GABRG3: variants seen among roughly 807,000 people sequenced by gnomAD.
The protein encoded by GABRG3 is gamma-aminobutyric acid type A receptor subunit gamma3, also known as gamma-aminobutyric acid receptor subunit gamma-3.
In GABRG3, 25 loss-of-function variants were observed where a neutral mutation model predicts 48.8. The observed-to-expected ratio is 0.51, with a 90% CI of 0.37 to 0.72. The LOEUF (loss-of-function observed/expected upper bound fraction) is 0.72. Among genes scored for constraint, GABRG3 ranks in the 30% least tolerant of loss-of-function variants. GABRG3 has a pLI of 0.00. For synonymous variants in GABRG3, 227 were observed against 217.6 expected (o/e 1.04, Z -0.38); for missense variants, 394 against 577.9 (o/e 0.68, Z 3.26).
At chr15:27,014,885 C>T (rs760923377) in intron 2 of GABRG3, among the ~76,000 whole-genome samples, 8 of 152,146 alleles carry the variant, frequency 5.3e-5, no homozygotes, top group African/African-American at 9.7e-5. Flanking sequence ...CTACTATTAT[C>T]GTGTTGCTGT....
At chr15:27,456,436 G>A (rs766779011) in intron 5 of GABRG3, among the ~76,000 whole-genome samples, 4 of 152,144 alleles carry the variant, frequency 2.6e-5, no homozygotes, top group Non-Finnish European at 4.4e-5. Flanking sequence ...CCTTAGTGGC[G>A]CTGTGCTTTA....
chr15:27,045,184 A>G (rs1365124768), intron 3 of GABRG3, among the ~76,000 whole-genome samples: 2 of 152,240 alleles, frequency 1.3e-5, no homozygotes, highest in African/African-American at 4.8e-5. Context: ...CATGGCCTAG[A>G]TCAGACCTAT....
At chr15:27,396,469 A>G (rs1315329238) in intron 5 of GABRG3, among the ~76,000 whole-genome samples, 2 of 152,264 alleles carry the variant, frequency 1.3e-5, no homozygotes, top group Admixed American at 1.3e-4. Flanking sequence ...CGCACCTATT[A>G]GAATGTCTTT....
chr15:27,472,244 G>A (rs1266264284), intron 5 of GABRG3, among the ~76,000 whole-genome samples: 1 of 151,764 alleles, frequency 6.6e-6, no homozygotes, highest in Non-Finnish European at 1.5e-5. Flanking sequence ...ATTCCTTTCT[G>A]TCTTCTGGAT....
rs181962362 is a variant in GABRG3 at position 27,106,745 on chromosome 15, T to C, written c.270+79924T>C. On this transcript the variant is annotated intron_variant, in intron 3 of 9. Coordinates refer to ENST00000615808, the MANE Select transcript of GABRG3 (RefSeq NM_033223.5). ...ATTGGAATGAAATGAGGGATATCAC[T>C]ATAGGTCTGCAGCTATTGAAAAGAT... Among the ~76,000 whole-genome samples the C allele has an allele frequency of 2.0e-5, 3 of 152,184 alleles. No individual in the cohort carries two copies. The East Asian group carries it at 5.8e-4, about 29-fold the overall frequency.
At chr15:27,141,324 T>C (rs1898098811) in intron 3 of GABRG3, among the ~76,000 whole-genome samples, 1 of 152,170 alleles carries the variant, frequency 6.6e-6, no homozygotes, top group Non-Finnish European at 1.5e-5. Flanking sequence ...TAGGTTAAGC[T>C]CCAAGGTGCA....
intron 3 of GABRG3, chr15:27,027,065 A>C: frequency 2.6e-6 from 1 of 392,114 alleles, no homozygotes; most frequent in Non-Finnish European, 4.5e-6. Context: ...TGTCTTTTAT[A>C]GTGTTTCTTA....
At chr15:27,358,753 C>G (rs574772972) in intron 5 of GABRG3, among the ~76,000 whole-genome samples, 10 of 152,318 alleles carry the variant, frequency 6.6e-5, no homozygotes, top group Admixed American at 2.6e-4. Context: ...ACAGATCAAG[C>G]TCTTTCTATG....
intron 3 of GABRG3, among the ~76,000 whole-genome samples, chr15:27,136,126 T>G (rs1898004409): frequency 6.6e-6 from 1 of 152,132 alleles, no homozygotes; most frequent in East Asian, 1.9e-4. Flanking sequence ...CTCCATCCTT[T>G]GAGCTCCAGC....
At chr15:27,494,951 C>T (rs1890446619) in intron 6 of GABRG3, among the ~76,000 whole-genome samples, 1 of 152,120 alleles carries the variant, frequency 6.6e-6, no homozygotes, top group African/African-American at 2.4e-5. Flanking sequence ...TTTCCTCTTT[C>T]CTGAAGTGTA....
intron 3 of GABRG3, among the ~76,000 whole-genome samples, chr15:27,252,119 T>C (rs1890475820): frequency 6.6e-6 from 1 of 152,130 alleles, no homozygotes; most frequent in Non-Finnish European, 1.5e-5. Context: ...CTCAGCTTTT[T>C]GTGAAATCGG....
In GABRG3 at chr15:27,320,970, G is replaced by T. The variant is rs867177407; in HGVS notation, c.271-5839G>T. ...CCACGTGCCCCTCTGTGGCAACAGG[G>T]CGTCACCCCCTGCTATGCTTCCCCG... On this transcript the variant is annotated intron_variant, in intron 3 of 9. Coordinates refer to ENST00000615808, the MANE Select transcript of GABRG3 (RefSeq NM_033223.5). 6.6e-5 allele frequency among the ~76,000 whole-genome samples: 10 copies of T among 152,294 alleles called. 1 individual carries two copies. In the South Asian group the frequency reaches 2.1e-3, roughly 32 times the overall value.
In GABRG3 at chr15:27,481,550, T is replaced by G. The variant is rs142771588; in HGVS notation, c.712+763T>G. Among the ~76,000 whole-genome samples the G allele has an allele frequency of 4.2e-3, 644 of 152,236 alleles. 5 individuals carry two copies. Among genetic ancestry groups the G allele is most frequent in the Non-Finnish European group, 5.5e-3 (375 of 68,012 alleles). Reference sequence around the variant, plus strand: ...TCTTCAAATTATCTAATAATTTATTTTATGGGTGACTAGATTAAGATGCCA... The same window carrying G: ...TCTTCAAATTATCTAATAATTTATTGTATGGGTGACTAGATTAAGATGCCA... On this transcript the variant is annotated intron_variant, in intron 6 of 9. Coordinates refer to ENST00000615808, the MANE Select transcript of GABRG3 (RefSeq NM_033223.5).
At chr15:27,134,977 G>A (rs1235313812) in intron 3 of GABRG3, among the ~76,000 whole-genome samples, 1 of 152,174 alleles carries the variant, frequency 6.6e-6, no homozygotes. Flanking sequence ...TGTTGCCCAC[G>A]TTAGAGTCAG....
chr15:27,261,050 CATG>C (rs757168307), intron 3 of GABRG3, among the ~76,000 whole-genome samples: 3 of 152,130 alleles, frequency 2.0e-5, no homozygotes, highest in East Asian at 3.8e-4. Context: ...TAGTCACAAT[CATG>C]ATAATTATTT....
intron 7 of GABRG3, among the ~76,000 whole-genome samples, chr15:27,520,925 TG>T (rs2150862538): frequency 6.6e-6 from 1 of 152,042 alleles, no homozygotes; most frequent in African/African-American, 2.4e-5. Flanking sequence ...GCACTGGGCC[TG>T]GGTAGACCAG....
rs552820753 is a variant in GABRG3 at position 27,341,417 on chromosome 15, C to G, written c.574+12529C>G. ...TAAACTTTAAAAATCAAACTTGAACCAAGCTGAGTGTCAGGGAAGCCCTGG... is the reference window on the plus strand; with the variant it reads ...TAAACTTTAAAAATCAAACTTGAACGAAGCTGAGTGTCAGGGAAGCCCTGG... On this transcript the variant is annotated intron_variant, in intron 5 of 9. Transcript: ENST00000615808. Among the ~76,000 whole-genome samples, 3 of 152,204 alleles carry G rather than the reference C, an allele frequency of 2.0e-5. No homozygotes were observed. The South Asian group carries it at 6.2e-4, about 32-fold the overall frequency.
intron 3 of GABRG3, among the ~76,000 whole-genome samples, chr15:27,049,341 A>G (rs1566920273): frequency 6.6e-6 from 1 of 152,218 alleles, no homozygotes; most frequent in Non-Finnish European, 1.5e-5. Flanking sequence ...TCATTTATTT[A>G]AACCCTCATA....
At chr15:27,026,694 G>A (rs1895988691) in intron 2 of GABRG3, 60 bp from the exon 3 acceptor site, 2 of 1,249,316 alleles carry the variant, frequency 1.6e-6, no homozygotes, top group African/African-American at 1.5e-5. Flanking sequence ...GGACTTGAAT[G>A]TGCTCTCCTC....
Sources: gnomAD v4.1 joint callset for allele counts (sites outside exome capture counted in the v4.1 genomes callset) on GRCh38, gnomAD v4.1.1 for gene constraint, MANE v1.5 for transcripts, NCBI Gene and HGNC (gene_info 2026-07-23, HGNC 2026-07-21) for gene names.